The following CAPS2 variants were observed in gnomAD, a reference collection of about 807,000 sequenced individuals.
CAPS2 encodes calcyphosin-2.
In CAPS2, 98 loss-of-function variants were observed where a neutral mutation model predicts 86.5. That is an observed-to-expected ratio of 1.13 (90% CI 0.96 to 1.34). The LOEUF (loss-of-function observed/expected upper bound fraction) is 1.34. Ranked by LOEUF, CAPS2 falls within the 40% of genes most tolerant of loss-of-function variation. The pLI, the probability that CAPS2 is intolerant of heterozygous loss-of-function variation, is 0.00. For missense variants in CAPS2, 729 were observed against 686.8 expected, an observed-to-expected ratio of 1.06 and a Z score of -0.69; for synonymous variants, 210 against 225.1, an observed-to-expected ratio of 0.93 and a Z score of 0.60.
intron 5 of CAPS2, among the ~76,000 whole-genome samples, chr12:75,316,705 A>C (rs923921990): frequency 6.6e-6 from 1 of 152,180 alleles, no homozygotes; most frequent in Non-Finnish European, 1.5e-5. Flanking sequence ...TAAGAGATAT[A>C]CATGTCCAAC....
At chr12:75,326,293 T>G in intron 1 of CAPS2, 125 bp downstream of exon 2, 1 of 439,664 alleles carries the variant, frequency 2.3e-6, no homozygotes, top group Non-Finnish European at 4.1e-6. Context: ...GGTTCCATTC[T>G]TCAAATCTAG....
downstream of CAPS2, chr12:75,276,343 A>G: frequency 6.8e-7 from 1 of 1,464,232 alleles, no homozygotes; most frequent in Non-Finnish European, 9.0e-7. Flanking sequence ...TCTGCAGTAA[A>G]CATAGCCTAA....
At chr12:75,383,389 T>C (rs911130703) in intron 1 of CAPS2, among the ~76,000 whole-genome samples, 2 of 152,168 alleles carry the variant, frequency 1.3e-5, no homozygotes, top group Non-Finnish European at 2.9e-5. Context: ...ATAGCTATAT[T>C]AATTTTGGCT....
At chr12:75,276,428 G>C (rs1343089503), downstream of CAPS2, 3 of 981,078 alleles carry the variant, frequency 3.1e-6, no homozygotes, top group Non-Finnish European at 3.6e-6. Flanking sequence ...TGTAAAATAA[G>C]ATATGATCTA....
intron 1 of CAPS2, among the ~76,000 whole-genome samples, chr12:75,356,072 C>A (rs1243957345): frequency 2.0e-5 from 3 of 152,032 alleles, no homozygotes; most frequent in African/African-American, 7.3e-5. Context: ...CAGCAAACCA[C>A]AATGGCACAC....
At chr12:75,298,459 G>A in intron 11 of CAPS2, 1 of 490,374 alleles carries the variant, frequency 2.0e-6, no homozygotes, top group Non-Finnish European at 3.7e-6. Context: ...AATGGGAAGG[G>A]GGGTGTTACA....
intron 1 of CAPS2, among the ~76,000 whole-genome samples, chr12:75,377,781 G>A (rs2044729268): frequency 6.7e-6 from 1 of 150,352 alleles, no homozygotes; most frequent in Non-Finnish European, 1.5e-5. Flanking sequence ...AACACACCCA[G>A]GAACAATACT....
chr12:75,291,267 C>T (rs2035804843), intron 13 of CAPS2, among the ~76,000 whole-genome samples: 1 of 151,288 alleles, frequency 6.6e-6, no homozygotes, highest in Non-Finnish European at 1.5e-5. Context: ...TTCTTTTACA[C>T]TAGGACACCA....
upstream of CAPS2, chr12:75,334,729 A>G (rs567787791): frequency 6.2e-7 from 1 of 1,612,758 alleles, no homozygotes; most frequent in Non-Finnish European, 8.5e-7. Context: ...ACATCCTTCC[A>G]TGGCTCTGAA....
chr12:75,358,447 C>T (rs1245467496), intron 1 of CAPS2, among the ~76,000 whole-genome samples: 1 of 151,128 alleles, frequency 6.6e-6, no homozygotes, highest in South Asian at 2.1e-4. Context: ...GTTAATCAAC[C>T]TGAAAATAAG....
At chr12:75,374,878 A>G (rs1008474313) in intron 1 of CAPS2, among the ~76,000 whole-genome samples, 1 of 152,200 alleles carries the variant, frequency 6.6e-6, no homozygotes, top group Non-Finnish European at 1.5e-5. Flanking sequence ...AGCAGCTGCA[A>G]TTAGAGTCAA....
chr12:75,344,557 TAATA>T (rs1349364100), intron 1 of CAPS2, among the ~76,000 whole-genome samples: 19 of 152,274 alleles, frequency 1.2e-4, no homozygotes, highest in Admixed American at 3.3e-4. Flanking sequence ...TTGCAATAAT[TAATA>T]TTTTCCCTGC....
intron 1 of CAPS2, chr12:75,370,977 C>T (rs1375002210): frequency 1.3e-5 from 2 of 152,182 alleles, no homozygotes; most frequent in Non-Finnish European, 1.5e-5. Flanking sequence ...CTAAGGCAAG[C>T]TCCAGCTTCC....
At chr12:75,357,428 A>C (rs1383831833) in intron 1 of CAPS2, among the ~76,000 whole-genome samples, 1 of 152,156 alleles carries the variant, frequency 6.6e-6, no homozygotes, top group East Asian at 1.9e-4. Context: ...TAGGTATTTC[A>C]ATTATCCCAT....
chr12:75,298,897 A>G, exon 10 of CAPS2: 1 of 1,611,874 alleles, frequency 6.2e-7, no homozygotes, highest in Non-Finnish European at 8.5e-7. Flanking sequence ...GTCGATATTC[A>G]TAAATTGTAA....
intron 1 of CAPS2, chr12:75,366,688 G>A (rs1169347948): frequency 3.9e-5 from 21 of 537,712 alleles, no homozygotes; most frequent in South Asian, 3.1e-4. Context: ...GTGGCCTAGG[G>A]TTTTTTTGTG....
In CAPS2 at chr12:75,292,308, C is replaced by T. The variant is rs142390270; in HGVS notation, c.1164-488G>A. On this transcript the variant is annotated intron_variant, in intron 12 of 16. Transcript: ENST00000393284. Reference sequence around the variant, plus strand: ...GTCTCGAACTCTTGACCTTGTGATCCGCCCACCTCAGCCTCCCAAAGTGCT... The same window carrying T: ...GTCTCGAACTCTTGACCTTGTGATCTGCCCACCTCAGCCTCCCAAAGTGCT... 5.0e-3 allele frequency among the ~76,000 whole-genome samples: 758 copies of T among 152,026 alleles called. 7 individuals carry two copies. Among genetic ancestry groups the T allele is most frequent in the African/African-American group, 0.017 (717 of 41,464 alleles).
intron 7 of CAPS2, chr12:75,305,779 G>A (rs2038400003): frequency 1.4e-6 from 1 of 724,830 alleles, no homozygotes; most frequent in Non-Finnish European, 2.6e-6. Flanking sequence ...CAGACATGGT[G>A]AAGGATGTCG....
chr12:75,276,217 A>G, downstream of CAPS2: 2 of 1,542,848 alleles, frequency 1.3e-6, no homozygotes, highest in South Asian at 2.4e-5. Context: ...CTTTTTTTTA[A>G]GCATTTTCAT....
Sources: allele counts gnomAD v4.1 joint callset (sites outside exome capture counted in the v4.1 genomes callset), GRCh38; gene constraint gnomAD v4.1.1; transcripts MANE v1.5; gene names NCBI Gene and HGNC (gene_info 2026-07-23, HGNC 2026-07-21).